RALGAPB: variants seen among roughly 807,000 people sequenced by gnomAD.
The protein encoded by RALGAPB is ral GTPase-activating protein subunit beta.
In RALGAPB, 25 loss-of-function variants were observed where a neutral mutation model predicts 161.1. That is an observed-to-expected ratio of 0.16 (90% confidence interval 0.11 to 0.22). The LOEUF (loss-of-function observed/expected upper bound fraction) is 0.22, where lower values mean the gene tolerates loss of function less well. RALGAPB is among the 10% of genes least tolerant of loss of function. The pLI is 1.00. For synonymous variants in RALGAPB, 629 were observed against 626.1 expected (o/e 1.00, Z -0.07); for missense variants, 1,391 against 1,815.2 (o/e 0.77, Z 4.25).
rs1196965894 is a variant in RALGAPB, at chr20:38,488,440, C to G, written c.8C>G (p.Ser3Cys). The stretch of plus-strand genomic sequence containing the variant: ...TTGTACTTTAGTGGCACGATGTACT[C>G]TGAGTGGAGGTCACTGCATTTGGTG... Reference protein sequence around the residue: MYSEWRSLHLVIQ... With the variant: MYCEWRSLHLVIQ... Residue 3 changes from serine (S) to cysteine (C), a missense_variant, in exon 2 of 30, where the codon TCT becomes TGT. By Grantham distance (112) the Ser-to-Cys change is moderately radical. This residue lies in a region of RALGAPB where 946 missense variants were observed against 1,257.2 expected (regional missense o/e 0.75). Coordinates refer to ENST00000262879, the MANE Select transcript of RALGAPB (RefSeq NM_020336.4). The G allele has an allele frequency of 8.7e-6, 14 of 1,612,796 alleles. No individual in the cohort carries two copies. Among genetic ancestry groups the G allele is most frequent in the African/African-American group, 8.0e-5 (6 of 74,910 alleles).
intron 6 of RALGAPB, among the ~76,000 whole-genome samples, chr20:38,509,808 A>C (rs187537961): frequency 1.3e-5 from 2 of 152,000 alleles, no homozygotes; most frequent in African/African-American, 4.8e-5. Context: ...TTCCTTGCAT[A>C]TCTTCTCTTT....
At chr20:38,544,158 C>A (rs1363644533) in intron 18 of RALGAPB, among the ~76,000 whole-genome samples, 4 of 152,114 alleles carry the variant, frequency 2.6e-5, no homozygotes, top group Admixed American at 1.3e-4. Context: ...GATTTTCTAA[C>A]CCCCAAGGTT....
chr20:38,546,487 T>C (rs1027487237), intron 19 of RALGAPB, 57 bp downstream of exon 19: 1 of 1,597,724 alleles, frequency 6.3e-7, no homozygotes, highest in Non-Finnish European at 8.6e-7. Flanking sequence ...ACCAGTACCA[T>C]GAAGCTGTTT....
In RALGAPB at chr20:38,576,876, T is replaced by C. The variant is rs760206325; in HGVS notation, c.*1909T>C. The C allele has an allele frequency of 6.5e-6, 1 of 152,684 alleles. No individual in the cohort carries two copies. Among genetic ancestry groups the C allele is most frequent in the Non-Finnish European group, 1.5e-5 (1 of 68,040 alleles). 9.5% of individuals were successfully genotyped at this position (152,684 alleles called of 1,614,324 possible). Reference sequence around the variant, plus strand: ...AAAATAACTGATGCAGATGTACTTCTTCAGTGTGATTCTTCAGATCAAACT... The same window carrying C: ...AAAATAACTGATGCAGATGTACTTCCTCAGTGTGATTCTTCAGATCAAACT... On this transcript the variant is annotated 3_prime_UTR_variant, in exon 30 of 30. Transcript: ENST00000262879.
intron 1 of RALGAPB, among the ~76,000 whole-genome samples, chr20:38,483,201 T>TATC (rs1332261212): frequency 6.6e-6 from 1 of 152,226 alleles, no homozygotes; most frequent in Non-Finnish European, 1.5e-5. Flanking sequence ...ATTCTATTAT[T>TATC]ATCCCCATTT....
At chr20:38,512,831 C>T (rs766492521) in intron 6 of RALGAPB, among the ~76,000 whole-genome samples, 4 of 152,190 alleles carry the variant, frequency 2.6e-5, no homozygotes, top group Non-Finnish European at 4.4e-5. Context: ...GCAATCTCTG[C>T]TCACTGCAAG....
At position 38,558,202 on chromosome 20, in the gene RALGAPB, T is replaced by C. The variant is rs994771875; in HGVS notation, c.3373-93T>C. Reference sequence around the variant, plus strand: ...CCTACCATTCTATATTTTTTAATTTTATTTTTATTAAACCATGAGCAAGTA... The same window carrying C: ...CCTACCATTCTATATTTTTTAATTTCATTTTTATTAAACCATGAGCAAGTA... On this transcript the variant is annotated intron_variant, in intron 22 of 29. Coordinates refer to ENST00000262879, the MANE Select transcript of RALGAPB (RefSeq NM_020336.4). 10 of 1,124,408 alleles carry C rather than the reference T, an allele frequency of 8.9e-6. No individual in the cohort carries two copies. In the Admixed American group the frequency reaches 1.1e-4, roughly 13 times the overall value. The allele number at this position is 1,124,408 out of a possible 1,614,324, so 69.7% of individuals were successfully genotyped here.
intron 9 of RALGAPB, among the ~76,000 whole-genome samples, chr20:38,518,253 C>T (rs2086190941): frequency 6.6e-6 from 1 of 152,160 alleles, no homozygotes; most frequent in Admixed American, 6.5e-5. Context: ...AGGTTAGTCA[C>T]ATTTTGTTGA....
intron 24 of RALGAPB, 103 bp from the exon 25 acceptor site, chr20:38,565,256 C>T: frequency 2.3e-6 from 3 of 1,313,298 alleles, no homozygotes; most frequent in Admixed American, 4.4e-5. Flanking sequence ...AACATATATT[C>T]TATTTATCAC....
chr20:38,564,110 C>A (rs759478841), intron 24 of RALGAPB, among the ~76,000 whole-genome samples: 1 of 152,162 alleles, frequency 6.6e-6, no homozygotes, highest in Non-Finnish European at 1.5e-5. Context: ...GCACATTTTG[C>A]CTGCTGCAGA....
intron 2 of RALGAPB, 54 bp downstream of exon 2, chr20:38,488,672 A>G (rs528975804): frequency 1.3e-6 from 2 of 1,522,236 alleles, no homozygotes; most frequent in African/African-American, 2.8e-5. Context: ...TTGTTCTTGA[A>G]GAATTTGTTT....
At chr20:38,548,934 C>T (rs1480114530) in intron 20 of RALGAPB, 139 bp downstream of exon 20, 3 of 662,902 alleles carry the variant, frequency 4.5e-6, no homozygotes, top group Non-Finnish European at 7.8e-6. Flanking sequence ...ATATCAGAAT[C>T]ATCTAGGAAC....
chr20:38,475,853 GTGATC>G (rs1439439671), intron 1 of RALGAPB, among the ~76,000 whole-genome samples: 1 of 152,126 alleles, frequency 6.6e-6, no homozygotes, highest in East Asian at 1.9e-4. Context: ...CTGACCTTAA[GTGATC>G]TGCCTGCCTA....
At chr20:38,484,536 TTTTTTGTTTTTG>T (rs906548384) in intron 1 of RALGAPB, among the ~76,000 whole-genome samples, 3 of 152,202 alleles carry the variant, frequency 2.0e-5, no homozygotes, top group African/African-American at 7.2e-5. Flanking sequence ...GACATTGTGT[TTTTTTGTTTTTG>T]TTTTTGTTTT....
rs906274086 is a variant in RALGAPB, at chr20:38,575,721, G to C, written c.*754G>C. On this transcript the variant is annotated 3_prime_UTR_variant, in exon 30 of 30. Coordinates refer to ENST00000262879, the MANE Select transcript of RALGAPB (RefSeq NM_020336.4). Reference sequence around the variant, plus strand: ...TGGGGTTAAAAGTTATAAGACAGCAGTGATACCCCACTCTCTCCATTATTG... The same window carrying C: ...TGGGGTTAAAAGTTATAAGACAGCACTGATACCCCACTCTCTCCATTATTG... The C allele has an allele frequency of 6.6e-6, 1 of 152,210 alleles. No individual in the cohort carries two copies. 9.4% of individuals were successfully genotyped at this position (152,210 alleles called of 1,614,324 possible).
intron 1 of RALGAPB, among the ~76,000 whole-genome samples, chr20:38,476,504 A>G (rs1301298840): frequency 6.6e-6 from 1 of 151,962 alleles, no homozygotes; most frequent in Non-Finnish European, 1.5e-5. Flanking sequence ...CCCCTTCCCC[A>G]TGAGAAAGGT....
chr20:38,509,006 T>G (rs1259716935), intron 5 of RALGAPB, 71 bp from the exon 6 acceptor site: 1 of 1,519,258 alleles, frequency 6.6e-7, no homozygotes, highest in Non-Finnish European at 9.0e-7. Flanking sequence ...TTTCTCTGTC[T>G]TCTTTCTATG....
chr20:38,564,630 C>T (rs2087917612), intron 24 of RALGAPB, among the ~76,000 whole-genome samples: 1 of 152,118 alleles, frequency 6.6e-6, no homozygotes, highest in African/African-American at 2.4e-5. Flanking sequence ...CTATATAGCT[C>T]TCATGAATGT....
At chr20:38,570,550 A>G (rs900188250) in intron 27 of RALGAPB, among the ~76,000 whole-genome samples, 3 of 152,336 alleles carry the variant, frequency 2.0e-5, no homozygotes, top group Admixed American at 6.5e-5. Flanking sequence ...ATCACAGAAC[A>G]TATTTTCTAA....
Sources: allele counts gnomAD v4.1 joint callset (sites outside exome capture counted in the v4.1 genomes callset), GRCh38; gene constraint gnomAD v4.1.1; regional missense constraint gnomAD v4.1.1; transcripts MANE v1.5; gene names NCBI Gene and HGNC (gene_info 2026-07-23, HGNC 2026-07-21).